Variants in PCSK6 observed in about 807,000 individuals in gnomAD.
PCSK6 encodes the protein proprotein convertase subtilisin/kexin type 6.
A neutral mutation model predicts 123.3 loss-of-function variants in PCSK6; 85 were observed. That is an observed-to-expected ratio of 0.69 (90% CI 0.58 to 0.83). The LOEUF (loss-of-function observed/expected upper bound fraction) is 0.83. Among genes scored for constraint, PCSK6 ranks in the 40% least tolerant of loss-of-function variants. The pLI is 0.00. For synonymous variants in PCSK6, 508 were observed against 516.0 expected (o/e 0.98, Z 0.21); for missense variants, 1,191 against 1,282.3 (o/e 0.93, Z 1.09).
chr15:101,389,600 C>A, intron 8 of PCSK6, 36 bp from the exon 9 acceptor site: 2 of 1,527,982 alleles, frequency 1.3e-6, no homozygotes, highest in Middle Eastern at 1.7e-4. Flanking sequence ...GCAGTGATGG[C>A]AGACAGGCTA....
intron 1 of PCSK6, among the ~76,000 whole-genome samples, chr15:101,479,293 A>T (rs992852567): frequency 2.0e-5 from 3 of 152,260 alleles, no homozygotes; most frequent in African/African-American, 7.2e-5. Context: ...CAGAAGAAAG[A>T]AAAAGCATAT....
In PCSK6 at chr15:101,420,363, C is replaced by A. The variant is rs548749203; in HGVS notation, c.823+7529G>T. Among the ~76,000 whole-genome samples the A allele has an allele frequency of 2.0e-5, 3 of 152,084 alleles. No individual in the cohort carries two copies. In the South Asian group the frequency reaches 6.3e-4, roughly 32 times the overall value. Reference sequence around the variant, plus strand: ...ATGAACAAATGTGACATCATAAGAACTTTACTTTGTTTTTTTGAGACAGGG... The same window carrying A: ...ATGAACAAATGTGACATCATAAGAAATTTACTTTGTTTTTTTGAGACAGGG... On this transcript the variant is annotated intron_variant, in intron 6 of 21. Transcript: ENST00000611716.
At chr15:101,403,981 T>C (rs573362592) in intron 6 of PCSK6, among the ~76,000 whole-genome samples, 2 of 152,314 alleles carry the variant, frequency 1.3e-5, no homozygotes, top group East Asian at 3.9e-4. Context: ...TCGCAGGCCA[T>C]TGCTTTTTAA....
intron 8 of PCSK6, 93 bp from the exon 9 acceptor site, chr15:101,389,657 GC>G: frequency 1.0e-6 from 1 of 957,034 alleles, no homozygotes; most frequent in East Asian, 2.5e-5. Context: ...CCACTAACTG[GC>G]AAGCGTGACC....
intron 11 of PCSK6, among the ~76,000 whole-genome samples, chr15:101,374,660 C>A (rs1364924206): frequency 6.6e-6 from 1 of 152,240 alleles, no homozygotes; most frequent in Non-Finnish European, 1.5e-5. Context: ...AGGCCCATTA[C>A]AGCAGAAGGT....
At chr15:101,431,571 G>C (rs2056448790) in intron 3 of PCSK6, 108 bp from the exon 4 acceptor site, 1 of 1,344,230 alleles carries the variant, frequency 7.4e-7, no homozygotes, top group Middle Eastern at 2.4e-4. Context: ...AAGTAAAAAA[G>C]GAGGGAACAC....
intron 2 of PCSK6, among the ~76,000 whole-genome samples, chr15:101,438,628 C>T (rs760797374): frequency 2.6e-5 from 4 of 152,214 alleles, no homozygotes; most frequent in Non-Finnish European, 5.9e-5. Context: ...ATCGCCTCTC[C>T]TCTGGTTCTG....
chr15:101,314,382 A>G (rs2039939387), intron 19 of PCSK6, among the ~76,000 whole-genome samples: 1 of 152,200 alleles, frequency 6.6e-6, no homozygotes, highest in Non-Finnish European at 1.5e-5. Context: ...TGAAGTAGTC[A>G]CTGACTGACA....
chr15:101,453,842 G>C (rs886139010), intron 1 of PCSK6, among the ~76,000 whole-genome samples: 1 of 152,244 alleles, frequency 6.6e-6, no homozygotes, highest in Non-Finnish European at 1.5e-5. Flanking sequence ...GCTCCGGTAC[G>C]AGTCCAGGTC....
intron 13 of PCSK6, among the ~76,000 whole-genome samples, chr15:101,364,613 CTT>C (rs1311441466): frequency 1.3e-5 from 2 of 152,128 alleles, no homozygotes; most frequent in Non-Finnish European, 2.9e-5. Context: ...AGGCGAAAGA[CTT>C]ATATACTCAA....
Position 101,382,081 on chromosome 15 carries a change from C to A in PCSK6, c.1532+11G>T. ...GCCTGAGAAGTCACCGATGCCACAGCAGAGCCTTACCTGGGTCTCTTGTCC... is the reference window on the plus strand; with the variant it reads ...GCCTGAGAAGTCACCGATGCCACAGAAGAGCCTTACCTGGGTCTCTTGTCC... On this transcript the variant is annotated intron_variant, in intron 11 of 21. Transcript: ENST00000611716. The A allele has an allele frequency of 6.3e-7, 1 of 1,582,178 alleles. No homozygotes were observed. The highest frequency in any genetic ancestry group is 8.6e-7 in the Non-Finnish European group (1 of 1,159,772).
intron 6 of PCSK6, among the ~76,000 whole-genome samples, chr15:101,405,936 C>A (rs927711838): frequency 6.6e-6 from 1 of 152,102 alleles, no homozygotes; most frequent in Admixed American, 6.6e-5. Flanking sequence ...AGAGATGGGG[C>A]TTCGCCATGC....
At position 101,316,910 on chromosome 15, in the gene PCSK6, G is replaced by GTTTTTTTTTTTTTTTTTTTTTT. The variant is rs57613156; in HGVS notation, c.2569+1408_2569+1409insAAAAAAAAAAAAAAAAAAAAAA. Among the ~76,000 whole-genome samples, 29 of 114,966 alleles carry GTTTTTTTTTTTTTTTTTTTTTT rather than the reference G, an allele frequency of 2.5e-4. 10 individuals are homozygous for GTTTTTTTTTTTTTTTTTTTTTT. Among genetic ancestry groups the GTTTTTTTTTTTTTTTTTTTTTT allele is most frequent in the African/African-American group, 1.1e-3 (29 of 25,382 alleles). 75.4% of individuals were successfully genotyped at this position (114,966 alleles called of 152,430 possible). On this transcript the variant is annotated intron_variant, in intron 19 of 21. Transcript: ENST00000611716. Reference sequence around the variant, plus strand: ...ACTGGTTTAGCAGAGACTTAATTCTGTTTTTTTTTTTTTTTTTTTGACAGA... The same window carrying GTTTTTTTTTTTTTTTTTTTTTT: ...ACTGGTTTAGCAGAGACTTAATTCTGTTTTTTTTTTTTTTTTTTTTTTTTTTTTTTTTTTTTTTTTTGACAGA...
intron 2 of PCSK6, among the ~76,000 whole-genome samples, chr15:101,440,708 C>T (rs2056733005): frequency 6.6e-6 from 1 of 152,234 alleles, no homozygotes; most frequent in Non-Finnish European, 1.5e-5. Flanking sequence ...AATTACACAA[C>T]TCTCCAGATG....
intron 1 of PCSK6, among the ~76,000 whole-genome samples, chr15:101,477,473 A>G (rs1431611196): frequency 6.6e-6 from 1 of 152,254 alleles, no homozygotes; most frequent in Non-Finnish European, 1.5e-5. Flanking sequence ...CATCTCAGAT[A>G]CAGGATATTC....
At chr15:101,348,171 A>ACTGG (rs2040790147) in intron 13 of PCSK6, among the ~76,000 whole-genome samples, 1 of 84,688 alleles carries the variant, frequency 1.2e-5, no homozygotes, top group African/African-American at 3.0e-5. Context: ...GCTGGGTCGG[A>ACTGG]CCGGCCCCTG....
chr15:101,370,463 G>T lies in PCSK6; in HGVS notation c.1593C>A (p.His531Gln). 1 of 1,550,458 alleles carries T rather than the reference G, an allele frequency of 6.4e-7. No individual in the cohort carries two copies. Among genetic ancestry groups the T allele is most frequent in the Non-Finnish European group, 8.7e-7 (1 of 1,146,236 alleles). ...CCAAGTAGACCACCCGCTGGTCCGA[G>T]TGCTCCGCGCAGGCGCTGGTCAGGG... Reference protein sequence around the residue: ...TTALTSACAEHSDQRVVYLEH... With the variant: ...TTALTSACAEQSDQRVVYLEH... The change falls in exon 12 of 22, where the codon CAC becomes CAA. Residue 531 changes from histidine (H) to glutamine (Q), a missense_variant. Around this residue, in one of 3 missense-constraint regions of PCSK6, gnomAD observed 630 missense variants for 631.4 expected, o/e 1.00. Transcript: ENST00000611716.
chr15:101,396,521 A>C (rs1386864240), intron 7 of PCSK6, among the ~76,000 whole-genome samples: 1 of 152,106 alleles, frequency 6.6e-6, no homozygotes. Flanking sequence ...ACCCTCTCCG[A>C]AGCTTAAATT....
At chr15:101,487,958 T>C (rs1261745702) in intron 1 of PCSK6, among the ~76,000 whole-genome samples, 3 of 152,210 alleles carry the variant, frequency 2.0e-5, no homozygotes, top group African/African-American at 4.8e-5. Flanking sequence ...TTTATATATA[T>C]ATATGCATAT....
Sources: gnomAD v4.1 joint callset for allele counts (sites outside exome capture counted in the v4.1 genomes callset) on GRCh38, gnomAD v4.1.1 for gene constraint, gnomAD v4.1.1 regional missense constraint, MANE v1.5 for transcripts, NCBI Gene and HGNC (gene_info 2026-07-23, HGNC 2026-07-21) for gene names.